Variants in SLC35F3 observed in about 807,000 individuals in gnomAD.
The protein encoded by SLC35F3 is solute carrier family 35 member F3, also known as putative thiamine transporter SLC35F3.
Under a neutral mutation model 49.9 loss-of-function variants are expected in SLC35F3, and 25 were observed. The ratio of observed to expected loss-of-function variants is 0.50; its 90% CI spans 0.37 to 0.70. The LOEUF (loss-of-function observed/expected upper bound fraction) is 0.70. Ranked by LOEUF, SLC35F3 falls within the 30% of genes least tolerant of loss-of-function variation. The probability of loss-of-function intolerance (pLI) is 0.00; values close to 1 mark genes in which losing one functional copy is unlikely to be tolerated. For synonymous variants in SLC35F3, 275 were observed against 265.4 expected, an observed-to-expected ratio of 1.04 and a Z score of -0.35; for missense variants, 525 against 639.8, an observed-to-expected ratio of 0.82 and a Z score of 1.94.
intron 3 of SLC35F3, among the ~76,000 whole-genome samples, chr1:234,258,751 T>C (rs1194378748): frequency 3.9e-5 from 6 of 152,254 alleles, no homozygotes. Flanking sequence ...AGATTTCTCT[T>C]ACTGTCCTAG....
intron 2 of SLC35F3, among the ~76,000 whole-genome samples, chr1:234,209,828 T>C (rs1667024470): frequency 6.6e-6 from 1 of 152,002 alleles, no homozygotes. Context: ...ACTCCTGGGG[T>C]AAGCTGCATG....
chr1:234,035,590 G>A (rs966046666), intron 2 of SLC35F3, among the ~76,000 whole-genome samples: 9 of 152,080 alleles, frequency 5.9e-5, no homozygotes, highest in African/African-American at 2.2e-4. Flanking sequence ...TTCATGCTGA[G>A]TTTCATGACC....
chr1:234,278,501 A>G (rs919598653), intron 3 of SLC35F3, among the ~76,000 whole-genome samples: 8 of 151,942 alleles, frequency 5.3e-5, no homozygotes, highest in Admixed American at 5.2e-4. Flanking sequence ...AAAGAAAAAA[A>G]AAAACGAAAA....
intron 2 of SLC35F3, among the ~76,000 whole-genome samples, chr1:234,086,594 G>A (rs2102875157): frequency 6.6e-6 from 1 of 152,326 alleles, no homozygotes; most frequent in Non-Finnish European, 1.5e-5. Flanking sequence ...CACAGTATAA[G>A]CCTGATTACA....
intron 2 of SLC35F3, among the ~76,000 whole-genome samples, chr1:233,977,383 C>G (rs1047308178): frequency 1.3e-5 from 2 of 152,148 alleles, no homozygotes; most frequent in African/African-American, 2.4e-5. Context: ...GAAGGCAGGC[C>G]TTTGTAGTCA....
intron 2 of SLC35F3, among the ~76,000 whole-genome samples, chr1:233,926,009 G>C (rs2102790692): frequency 6.6e-6 from 1 of 152,328 alleles, no homozygotes; most frequent in Non-Finnish European, 1.5e-5. Context: ...GCCGCTGTTA[G>C]TCTGATAGGC....
intron 2 of SLC35F3, among the ~76,000 whole-genome samples, chr1:234,163,294 G>A (rs1272829156): frequency 6.6e-6 from 1 of 152,222 alleles, no homozygotes; most frequent in Non-Finnish European, 1.5e-5. Context: ...ACATGCCTCG[G>A]TGATGCAGTG....
chr1:234,269,213 G>A (rs1263846008), intron 3 of SLC35F3, among the ~76,000 whole-genome samples: 1 of 152,080 alleles, frequency 6.6e-6, no homozygotes, highest in Non-Finnish European at 1.5e-5. Context: ...TTTAATTGGA[G>A]GAGGACCATT....
intron 2 of SLC35F3, among the ~76,000 whole-genome samples, chr1:234,095,186 A>G (rs1395598373): frequency 1.3e-5 from 2 of 152,232 alleles, no homozygotes; most frequent in African/African-American, 4.8e-5. Flanking sequence ...ATCTAGGCCT[A>G]GGAAACTATC....
chr1:233,905,001 A>C lies in SLC35F3; in HGVS notation c.-77A>C. The C allele has an allele frequency of 6.8e-7, 1 of 1,474,898 alleles. No individual in the cohort carries two copies. Among genetic ancestry groups the C allele is most frequent in the Non-Finnish European group, 9.2e-7 (1 of 1,083,594 alleles). 91.4% of individuals were successfully genotyped at this position (1,474,898 alleles called of 1,614,324 possible). A position where few individuals can be genotyped will look rare whatever the true frequency, so the allele number is the denominator to read the frequency against. On this transcript the variant is annotated 5_prime_UTR_variant, in exon 1 of 8. Transcript: ENST00000366618. The stretch of plus-strand genomic sequence containing the variant: ...CAGCGCACTCCAGTCTTCCCAGGCT[A>C]GCGGCTGCAGGGAGCTCCGGCCCGC...
intron 2 of SLC35F3, among the ~76,000 whole-genome samples, chr1:233,908,086 A>G (rs1383139945): frequency 6.6e-6 from 1 of 152,136 alleles, no homozygotes; most frequent in South Asian, 2.1e-4. Flanking sequence ...TGATAATAAT[A>G]AAGAGGCTTA....
chr1:234,158,015 A>G (rs1666178371), intron 2 of SLC35F3, among the ~76,000 whole-genome samples: 2 of 152,170 alleles, frequency 1.3e-5, no homozygotes, highest in Non-Finnish European at 2.9e-5. Flanking sequence ...GAGTCGATTC[A>G]GCCAGTCATC....
intron 2 of SLC35F3, among the ~76,000 whole-genome samples, chr1:234,116,657 A>T (rs1302202132): frequency 6.6e-6 from 1 of 152,028 alleles, no homozygotes; most frequent in African/African-American, 2.4e-5. Context: ...GATTACAGAC[A>T]CATGCCACCA....
At chr1:234,281,081 TC>T (rs111906874) in intron 3 of SLC35F3, among the ~76,000 whole-genome samples, 11,247 of 148,462 alleles carry the variant, frequency 0.076, 463 homozygotes, top group South Asian at 0.1. Context: ...CTAAATTGTG[TC>T]CCCCCCCCAT....
chr1:234,206,506 G>A (rs73110450), intron 2 of SLC35F3, among the ~76,000 whole-genome samples: 2 of 129,978 alleles, frequency 1.5e-5, no homozygotes, highest in Non-Finnish European at 1.6e-5. Context: ...CCCGGGGGGG[G>A]GCTATTTCCA....
chr1:234,315,922 A>T (rs546042880), intron 4 of SLC35F3, among the ~76,000 whole-genome samples: 1 of 152,242 alleles, frequency 6.6e-6, no homozygotes, highest in African/African-American at 2.4e-5. Flanking sequence ...AGTAATATGT[A>T]CATCTCCATG....
At chr1:234,227,392 CTTTTT>C (rs369277069) in intron 2 of SLC35F3, among the ~76,000 whole-genome samples, 2 of 108,666 alleles carry the variant, frequency 1.8e-5, no homozygotes, top group African/African-American at 5.2e-5. Context: ...CTCTTTCTTT[CTTTTT>C]TTTTTTTTTT....
intron 2 of SLC35F3, among the ~76,000 whole-genome samples, chr1:234,140,522 T>TG (rs992350894): frequency 6.6e-6 from 1 of 152,290 alleles, no homozygotes; most frequent in Non-Finnish European, 1.5e-5. Flanking sequence ...ACCCATCCAG[T>TG]GGGGGGTCTT....
At chr1:233,941,726 A>T (rs1010797488) in intron 2 of SLC35F3, among the ~76,000 whole-genome samples, 1 of 152,114 alleles carries the variant, frequency 6.6e-6, no homozygotes, top group Non-Finnish European at 1.5e-5. Context: ...CACCAAAAAA[A>T]TAGTTTTCAT....
Sources: allele counts gnomAD v4.1 joint callset (sites outside exome capture counted in the v4.1 genomes callset), GRCh38; gene constraint gnomAD v4.1.1; transcripts MANE v1.5; gene names NCBI Gene and HGNC (gene_info 2026-07-23, HGNC 2026-07-21).